The following PPFIBP1 variants were observed in gnomAD, a reference collection of about 807,000 sequenced individuals.
PPFIBP1 encodes the protein liprin-beta-1.
Under a neutral mutation model 137.8 loss-of-function variants are expected in PPFIBP1, and 112 were observed. The ratio of observed to expected loss-of-function variants is 0.81; its 90% CI spans 0.70 to 0.95. PPFIBP1 has a LOEUF of 0.95. Among genes scored for constraint, PPFIBP1 ranks in the 40% least tolerant of loss-of-function variants. PPFIBP1 has a pLI of 0.00. For missense variants in PPFIBP1, 1,083 were observed against 1,196.6 expected, an observed-to-expected ratio of 0.91 and a Z score of 1.40; for synonymous variants, 378 against 417.3, an observed-to-expected ratio of 0.91 and a Z score of 1.15.
chr12:27,620,930 G>A (rs895745262), intron 2 of PPFIBP1, among the ~76,000 whole-genome samples: 7 of 152,094 alleles, frequency 4.6e-5, no homozygotes, highest in South Asian at 2.1e-4. Flanking sequence ...CAATGTATGC[G>A]CCATCAGAGC....
chr12:27,692,725 A>C (rs543213495), intron 29 of PPFIBP1, 69 bp downstream of exon 29: 1 of 1,613,912 alleles, frequency 6.2e-7, no homozygotes, highest in Non-Finnish European at 8.5e-7. Flanking sequence ...AAAGGACCAC[A>C]TGTCTCTTGG....
chr12:27,655,304 G>A, intron 8 of PPFIBP1: 8 of 1,085,968 alleles, frequency 7.4e-6, no homozygotes, highest in Admixed American at 2.0e-5. Context: ...TTGCTGTGAT[G>A]ATGTTTTTAG....
At chr12:27,656,402 T>A (rs962318976) in intron 8 of PPFIBP1, among the ~76,000 whole-genome samples, 2 of 152,234 alleles carry the variant, frequency 1.3e-5, no homozygotes, top group African/African-American at 4.8e-5. Flanking sequence ...AAACTTGAAA[T>A]AATTATACCA....
intron 1 of PPFIBP1, among the ~76,000 whole-genome samples, chr12:27,544,053 G>C (rs1393788987): frequency 6.7e-6 from 1 of 150,130 alleles, no homozygotes; most frequent in Non-Finnish European, 1.5e-5. Context: ...CTAATTTTTT[G>C]ATTTTTTAAT....
intron 11 of PPFIBP1, among the ~76,000 whole-genome samples, chr12:27,662,710 A>C (rs761577391): frequency 6.6e-6 from 1 of 152,270 alleles, no homozygotes; most frequent in African/African-American, 2.4e-5. Context: ...GAATGAGCTT[A>C]ATTGTAGATA....
intron 4 of PPFIBP1, among the ~76,000 whole-genome samples, chr12:27,644,244 GT>G (rs3842650): frequency 0.14 from 16,209 of 115,220 alleles, 1,689 homozygotes; most frequent in Admixed American, 0.31. Flanking sequence ...GCTTGGCTAA[GT>G]TTTTTTTTTT....
intron 1 of PPFIBP1, among the ~76,000 whole-genome samples, chr12:27,558,314 C>A (rs61915292): frequency 1.3e-5 from 2 of 150,432 alleles, no homozygotes; most frequent in Non-Finnish European, 1.5e-5. Context: ...TGCTTGAGAC[C>A]TGTAGCTATG....
Position 27,656,702 on chromosome 12 carries a change from A to G in PPFIBP1, c.783A>G (p.Lys261=). The G allele has an allele frequency of 1.9e-6, 3 of 1,610,170 alleles. No individual in the cohort carries two copies. Among genetic ancestry groups the G allele is most frequent in the East Asian group, 2.2e-5 (1 of 44,796 alleles). ...RLQEKLVCKM[K]GEGVEIVDRD... is the part of the protein sequence containing the mutation. ...AAGAAAAATTGGTTTGCAAGATGAA[A>G]GGAGAAGGGGTTGAAATTGTTGATA... is the stretch of plus-strand genomic sequence containing the variant. The change falls in exon 9 of 30, where the codon AAA becomes AAG. Residue 261 remains lysine (K), a synonymous_variant. Coordinates refer to ENST00000228425, the MANE Select transcript of PPFIBP1 (RefSeq NM_003622.4).
At chr12:27,651,243 GGAAGTCT>G (rs1219612654) in intron 7 of PPFIBP1, among the ~76,000 whole-genome samples, 3 of 151,856 alleles carry the variant, frequency 2.0e-5, no homozygotes, top group African/African-American at 7.3e-5. Context: ...CATAGCAAAA[GGAAGTCT>G]TTCATTTGGT....
In PPFIBP1 at chr12:27,622,011, A is replaced by T. The variant is rs1443164530; in HGVS notation, c.-35-11351A>T. 2.0e-5 allele frequency among the ~76,000 whole-genome samples: 3 copies of T among 152,228 alleles called. No individual in the cohort carries two copies. In the East Asian group the frequency reaches 5.8e-4, roughly 29 times the overall value. Reference sequence around the variant, plus strand: ...ACTGCAACTGATGTGAATTTGACGCAACCAGAAATGGTTTTTGTGTCACCT... The same window carrying T: ...ACTGCAACTGATGTGAATTTGACGCTACCAGAAATGGTTTTTGTGTCACCT... On this transcript the variant is annotated intron_variant, in intron 2 of 29. Coordinates refer to ENST00000228425, the MANE Select transcript of PPFIBP1 (RefSeq NM_003622.4).
At chr12:27,654,466 C>A in intron 7 of PPFIBP1, 1 of 304,660 alleles carries the variant, frequency 3.3e-6, no homozygotes. Context: ...CTTTCTTAAT[C>A]AAAATTATAC....
In PPFIBP1 at chr12:27,654,572, G is replaced by A. The variant is rs1260914618; in HGVS notation, c.604-150G>A. 3.1e-6 allele frequency: 3 copies of A among 965,248 alleles called. No homozygotes were observed. In the African/African-American group the frequency reaches 5.1e-5, roughly 16 times the overall value. The allele number at this position is 965,248 out of a possible 1,614,324, so 59.8% of individuals were successfully genotyped here. ...GGAAAGATGCCTTCGTTCTTAAGGA[G>A]GTACATTTATTTCCATTTGTCTCAT... is the stretch of plus-strand genomic sequence containing the variant. On this transcript the variant is annotated intron_variant, in intron 7 of 29. Coordinates refer to ENST00000228425, the MANE Select transcript of PPFIBP1 (RefSeq NM_003622.4).
rs2060575452 is a variant in PPFIBP1, at chr12:27,677,225, A to G, written c.1615+129A>G. The G allele has an allele frequency of 8.4e-6, 10 of 1,190,072 alleles. No individual in the cohort carries two copies. The South Asian group carries it at 1.4e-4, about 17-fold the overall frequency. The allele number at this position is 1,190,072 out of a possible 1,614,324, so 73.7% of individuals were successfully genotyped here. A position where few individuals can be genotyped will look rare whatever the true frequency, so the allele number is the denominator to read the frequency against. On this transcript the variant is annotated intron_variant, in intron 19 of 29. Transcript: ENST00000228425. ...CAGAAAATGTAGTTCTCTATTCCGG[A>G]GTGTTCTTTCCACCTTCTGCTAAAA...
In PPFIBP1 at chr12:27,672,503, A is replaced by G; in HGVS notation, c.1319+20A>G. Reference sequence around the variant, plus strand: ...ACTTTTGTAAGTTACATTTTATTGAATGTGAAAAATGTGATTGAGGCTAGA... The same window carrying G: ...ACTTTTGTAAGTTACATTTTATTGAGTGTGAAAAATGTGATTGAGGCTAGA... On this transcript the variant is annotated intron_variant, in intron 15 of 29. Transcript: ENST00000228425. 6.5e-7 allele frequency: 1 copy of G among 1,540,440 alleles called. No individual in the cohort carries two copies. Among genetic ancestry groups the G allele is most frequent in the Non-Finnish European group, 9.0e-7 (1 of 1,115,772 alleles).
At position 27,649,121 on chromosome 12, in the gene PPFIBP1, A is replaced by G. The variant is rs113466661; in HGVS notation, c.472-889A>G. Among the ~76,000 whole-genome samples the G allele has an allele frequency of 8.2e-3, 1,252 of 152,314 alleles. 22 individuals are homozygous for G. The highest frequency in any genetic ancestry group is 0.029 in the African/African-American group (1,191 of 41,572). On this transcript the variant is annotated intron_variant, in intron 6 of 29. Coordinates refer to ENST00000228425, the MANE Select transcript of PPFIBP1 (RefSeq NM_003622.4). ...TACCCCATAAATGTATATTCCTACT[A>G]TGTAGCCACACAAGTAGAAAAGAAA...
chr12:27,627,968 T>C (rs11049074), intron 2 of PPFIBP1, among the ~76,000 whole-genome samples: 48,189 of 151,652 alleles, frequency 0.32, 8,198 homozygotes, highest in Middle Eastern at 0.39. Context: ...CTCATTTCTC[T>C]GTTTACATCA....
intron 2 of PPFIBP1, among the ~76,000 whole-genome samples, chr12:27,585,860 C>T (rs555466960): frequency 2.6e-5 from 4 of 151,910 alleles, no homozygotes; most frequent in Admixed American, 2.0e-4. Flanking sequence ...CATTGGAGCA[C>T]GAAGGTACAA....
intron 2 of PPFIBP1, among the ~76,000 whole-genome samples, chr12:27,583,881 A>C (rs1466237823): frequency 1.3e-5 from 2 of 152,180 alleles, no homozygotes; most frequent in African/African-American, 4.8e-5. Context: ...GGCCCCACTG[A>C]ATTCACAGAA....
intron 2 of PPFIBP1, among the ~76,000 whole-genome samples, chr12:27,589,331 G>A (rs754673288): frequency 5.9e-5 from 9 of 152,120 alleles, no homozygotes; most frequent in Non-Finnish European, 1.3e-4. Context: ...ACTTGGATCC[G>A]TGCATCCTCT....
Sources: gnomAD v4.1 joint callset for allele counts (sites outside exome capture counted in the v4.1 genomes callset) on GRCh38, gnomAD v4.1.1 for gene constraint, MANE v1.5 for transcripts, NCBI Gene and HGNC (gene_info 2026-07-23, HGNC 2026-07-21) for gene names.